FSIP1: variants seen among roughly 807,000 people sequenced by gnomAD.
FSIP1 encodes the protein fibrous sheath-interacting protein 1.
A neutral mutation model predicts 60.9 loss-of-function variants in FSIP1; 65 were observed. The observed-to-expected ratio is 1.07, with a 90% confidence interval of 0.87 to 1.31. The LOEUF is 1.31. FSIP1 is among the 40% of genes most tolerant of loss of function. FSIP1 has a pLI of 0.00. For synonymous variants in FSIP1, 209 were observed against 221.2 expected (o/e 0.94, Z 0.49); for missense variants, 675 against 665.5 (o/e 1.01, Z -0.16).
intron 10 of FSIP1, among the ~76,000 whole-genome samples, chr15:39,679,820 A>G (rs10520147): frequency 0.049 from 7,447 of 152,312 alleles, 257 homozygotes; most frequent in Non-Finnish European, 0.078. Context: ...CCCTAGCTAC[A>G]TAATTTTCCA....
At chr15:39,619,759 T>C (rs1390426724) in intron 10 of FSIP1, among the ~76,000 whole-genome samples, 2 of 152,176 alleles carry the variant, frequency 1.3e-5, no homozygotes, top group South Asian at 4.1e-4. Flanking sequence ...TTACATATAA[T>C]GTGTAGACAA....
At chr15:39,647,866 A>C (rs1205370596) in intron 10 of FSIP1, among the ~76,000 whole-genome samples, 1 of 152,246 alleles carries the variant, frequency 6.6e-6, no homozygotes, top group East Asian at 1.9e-4. Flanking sequence ...AAAATACTGC[A>C]TGACATAGAA....
At chr15:39,733,343 C>T (rs2171310) in intron 8 of FSIP1, among the ~76,000 whole-genome samples, 60,285 of 152,060 alleles carry the variant, frequency 0.4, 14,221 homozygotes, top group African/African-American at 0.67. Context: ...AAAACAATTG[C>T]CTTTAAAAAT....
At chr15:39,677,544 T>C (rs1893990362) in intron 10 of FSIP1, among the ~76,000 whole-genome samples, 2 of 152,054 alleles carry the variant, frequency 1.3e-5, no homozygotes, top group African/African-American at 4.8e-5. Flanking sequence ...TTTAAACCAG[T>C]ATTTCTACCC....
chr15:39,761,992 T>G (rs1007637005), intron 5 of FSIP1, among the ~76,000 whole-genome samples: 4 of 152,192 alleles, frequency 2.6e-5, no homozygotes, highest in Non-Finnish European at 5.9e-5. Flanking sequence ...GATGGCTGGG[T>G]AGCTCCCTTT....
chr15:39,646,327 A>G (rs1892604685), intron 10 of FSIP1, among the ~76,000 whole-genome samples: 2 of 151,768 alleles, frequency 1.3e-5, no homozygotes. Flanking sequence ...TTTTTCCTGG[A>G]TGCAGGACAA....
intron 10 of FSIP1, among the ~76,000 whole-genome samples, chr15:39,624,332 T>C (rs1343309229): frequency 6.6e-6 from 1 of 152,246 alleles, no homozygotes; most frequent in Non-Finnish European, 1.5e-5. Flanking sequence ...GTTTCCAAAC[T>C]TCACTGATCT....
chr15:39,664,957 C>T (rs1340026467), intron 10 of FSIP1, among the ~76,000 whole-genome samples: 1 of 152,234 alleles, frequency 6.6e-6, no homozygotes, highest in Non-Finnish European at 1.5e-5. Context: ...AGAGCACAGA[C>T]ATTATCTTGT....
At chr15:39,759,872 T>C (rs944812074) in intron 5 of FSIP1, among the ~76,000 whole-genome samples, 2 of 152,158 alleles carry the variant, frequency 1.3e-5, no homozygotes, top group African/African-American at 2.4e-5. Context: ...CTACCTATGA[T>C]GGAATTTAGG....
intron 5 of FSIP1, among the ~76,000 whole-genome samples, chr15:39,743,766 T>G (rs574934997): frequency 6.6e-6 from 1 of 152,242 alleles, no homozygotes; most frequent in Non-Finnish European, 1.5e-5. Flanking sequence ...ATCACCGTCA[T>G]GCACTTCCTG....
Position 39,776,347 on chromosome 15 carries a change from A to G in FSIP1, c.126+52T>C, listed in dbSNP as rs562060297. On this transcript the variant is annotated intron_variant, in intron 2 of 11. Transcript: ENST00000350221. ...GTTAACAACAACCTTAGTTTCATCA[A>G]CTGCTGAGAGGTTGGGGAAAGGAGT... is the stretch of plus-strand genomic sequence containing the variant. 5.7e-4 allele frequency: 891 copies of G among 1,565,582 alleles called. 3 individuals carry two copies. Among genetic ancestry groups the G allele is most frequent in the Non-Finnish European group, 7.4e-4 (848 of 1,150,072 alleles).
intron 10 of FSIP1, among the ~76,000 whole-genome samples, chr15:39,685,119 T>C (rs1206978790): frequency 6.6e-6 from 1 of 152,228 alleles, no homozygotes; most frequent in Non-Finnish European, 1.5e-5. Flanking sequence ...AAATGACTGG[T>C]GTGCTATCTG....
intron 10 of FSIP1, among the ~76,000 whole-genome samples, chr15:39,640,069 A>G (rs1180242680): frequency 1.3e-5 from 2 of 152,250 alleles, no homozygotes; most frequent in African/African-American, 4.8e-5. Flanking sequence ...GTGTAAAACA[A>G]TAATTAAATG....
At chr15:39,607,707 C>T (rs1456311796) in intron 11 of FSIP1, among the ~76,000 whole-genome samples, 3 of 152,198 alleles carry the variant, frequency 2.0e-5, no homozygotes, top group Non-Finnish European at 4.4e-5. Context: ...TCTGACTCTG[C>T]CTTTTAGAAG....
intron 5 of FSIP1, among the ~76,000 whole-genome samples, chr15:39,750,240 A>G (rs969125433): frequency 6.6e-6 from 1 of 152,008 alleles, no homozygotes. Context: ...CACACTACCC[A>G]AAGCAACCAC....
chr15:39,741,432 A>G (rs1896797680), intron 6 of FSIP1, among the ~76,000 whole-genome samples: 1 of 152,216 alleles, frequency 6.6e-6, no homozygotes, highest in Non-Finnish European at 1.5e-5. Context: ...GCTCTTCTCT[A>G]GGATTGCAGA....
At chr15:39,742,714 G>A (rs966765737) in intron 5 of FSIP1, among the ~76,000 whole-genome samples, 3 of 152,098 alleles carry the variant, frequency 2.0e-5, no homozygotes, top group Non-Finnish European at 2.9e-5. Context: ...AAGGAAGCAG[G>A]CAGAAGATAC....
chr15:39,674,183 T>C (rs1328961183), intron 10 of FSIP1, among the ~76,000 whole-genome samples: 2 of 151,950 alleles, frequency 1.3e-5, no homozygotes, highest in African/African-American at 2.4e-5. Flanking sequence ...GCCTACCAAG[T>C]AGCTGGGACT....
chr15:39,661,548 T>C (rs542305174), intron 10 of FSIP1, among the ~76,000 whole-genome samples: 159 of 152,338 alleles, frequency 1.0e-3, no homozygotes, highest in African/African-American at 3.6e-3. Flanking sequence ...TGGATTTGGT[T>C]CATTCACCTT....
Sources: allele counts gnomAD v4.1 joint callset (sites outside exome capture counted in the v4.1 genomes callset), GRCh38; gene constraint gnomAD v4.1.1; transcripts MANE v1.5; gene names NCBI Gene and HGNC (gene_info 2026-07-23, HGNC 2026-07-21).